Variants in GSG1L observed in about 807,000 individuals in gnomAD.
GSG1L encodes the protein GSG1 like, also known as germ cell-specific gene 1-like protein.
In GSG1L, 24 loss-of-function variants were observed where a neutral mutation model predicts 42.1. The observed-to-expected ratio is 0.57, with a 90% confidence interval of 0.41 to 0.80. The LOEUF is 0.80. GSG1L is among the 30% of genes least tolerant of loss of function. GSG1L has a pLI of 0.00. For synonymous variants in GSG1L, 215 were observed against 203.5 expected (o/e 1.06, Z -0.48); for missense variants, 445 against 472.2 (o/e 0.94, Z 0.53).
chr16:27,857,236 G>C (rs991434447), intron 3 of GSG1L, among the ~76,000 whole-genome samples: 1 of 152,054 alleles, frequency 6.6e-6, no homozygotes, highest in African/African-American at 2.4e-5. Flanking sequence ...AGATCACCCT[G>C]GGCAACATGG....
rs1567542839 is a variant in GSG1L, at chr16:27,979,687, G to GAAGGAAGGAAGGA, written c.350-16497_350-16485dup. 2.1e-3 allele frequency among the ~76,000 whole-genome samples: 52 copies of GAAGGAAGGAAGGA among 24,680 alleles called. 4 individuals carry two copies. In the East Asian group the frequency reaches 0.023, roughly 11 times the overall value. 16.2% of individuals were successfully genotyped at this position (24,680 alleles called of 152,430 possible). On this transcript the variant is annotated intron_variant, in intron 1 of 6. Transcript: ENST00000447459. ...AGAGAGAGAGAGAGAGAGAAAGAAA[G>GAAGGAAGGAAGGA]AAGGAAGGAAGGAAGGAAGGAAGGA...
At chr16:27,820,507 C>T (rs1317831731) in intron 5 of GSG1L, among the ~76,000 whole-genome samples, 1 of 152,054 alleles carries the variant, frequency 6.6e-6, no homozygotes, top group Non-Finnish European at 1.5e-5. Context: ...AGGCCCTTCA[C>T]AAGGCTCCCC....
At chr16:27,865,036 C>A (rs552498308) in intron 3 of GSG1L, among the ~76,000 whole-genome samples, 1 of 152,160 alleles carries the variant, frequency 6.6e-6, no homozygotes, top group Non-Finnish European at 1.5e-5. Context: ...GCTGTGAGGT[C>A]CCCTTAGACT....
intron 1 of GSG1L, among the ~76,000 whole-genome samples, chr16:28,004,378 C>T (rs1336573251): frequency 6.6e-6 from 1 of 151,278 alleles, no homozygotes; most frequent in Non-Finnish European, 1.5e-5. Flanking sequence ...AGGTGAGGGA[C>T]TTCCTGTCTC....
intron 3 of GSG1L, among the ~76,000 whole-genome samples, chr16:27,855,667 C>T (rs577846236): frequency 6.3e-5 from 9 of 143,804 alleles, no homozygotes; most frequent in Middle Eastern, 3.8e-3. Context: ...TTGCAGTGAG[C>T]TAAGATTGTG....
At chr16:27,988,704 A>G (rs1441076292) in intron 1 of GSG1L, among the ~76,000 whole-genome samples, 2 of 151,810 alleles carry the variant, frequency 1.3e-5, no homozygotes, top group Non-Finnish European at 2.9e-5. Context: ...ATGTCATATT[A>G]ATAAGAGAGA....
chr16:28,007,515 G>GTTGGTTGGTTGGT (rs151170153), intron 1 of GSG1L, among the ~76,000 whole-genome samples: 1 of 38,084 alleles, frequency 2.6e-5, no homozygotes, highest in African/African-American at 1.7e-4. Context: ...TGGTTGGTTG[G>GTTGGTTGGTTGGT]TGGTTGGTTG....
rs1211920204 is a variant in GSG1L at position 27,865,556 on chromosome 16, TATATATATATATATATACACACACAC to T, written c.550+18904_550+18929del. 1.8e-3 allele frequency among the ~76,000 whole-genome samples: 41 copies of T among 23,262 alleles called. 1 individual carries two copies. Among genetic ancestry groups the T allele is most frequent in the African/African-American group, 9.5e-3 (31 of 3,256 alleles). 15.3% of individuals were successfully genotyped at this position (23,262 alleles called of 152,430 possible). ...ATATATATATATATATATATATATA[TATATATATATATATATACACACACAC>T]ATACATACATACACACACATATATA... On this transcript the variant is annotated intron_variant, in intron 3 of 6. Transcript: ENST00000447459.
At chr16:27,947,573 G>GAAAGAAAGAA (rs1567530856) in intron 2 of GSG1L, among the ~76,000 whole-genome samples, 3 of 91,938 alleles carry the variant, frequency 3.3e-5, no homozygotes, top group Non-Finnish European at 7.8e-5. Flanking sequence ...AAGAAAGAAA[G>GAAAGAAAGAA]AAAGAAAGAA....
At chr16:27,824,296 C>T (rs549549886) in intron 5 of GSG1L, among the ~76,000 whole-genome samples, 17 of 152,328 alleles carry the variant, frequency 1.1e-4, no homozygotes, top group Non-Finnish European at 2.4e-4. Flanking sequence ...GCGCCTCACC[C>T]CAAATTACAT....
intron 5 of GSG1L, among the ~76,000 whole-genome samples, chr16:27,813,578 A>G (rs1237903889): frequency 6.6e-6 from 1 of 152,242 alleles, no homozygotes; most frequent in Non-Finnish European, 1.5e-5. Context: ...AGGCTTGCCC[A>G]TCTTTCTATG....
At chr16:27,893,429 C>A (rs2084152613) in intron 2 of GSG1L, among the ~76,000 whole-genome samples, 1 of 152,134 alleles carries the variant, frequency 6.6e-6, no homozygotes, top group Non-Finnish European at 1.5e-5. Flanking sequence ...GTTCCTCATT[C>A]CTAAAATGGG....
In GSG1L at chr16:28,059,332, G is replaced by A. The variant is rs1390229315; in HGVS notation, c.349+3744C>T. Among the ~76,000 whole-genome samples the A allele has an allele frequency of 1.3e-5, 2 of 151,994 alleles. No homozygotes were observed. The highest frequency in any genetic ancestry group is 4.8e-5 in the African/African-American group (2 of 41,368). On this transcript the variant is annotated intron_variant, in intron 1 of 6. Coordinates refer to ENST00000447459, the MANE Select transcript of GSG1L (RefSeq NM_001109763.2). This position sits in a 1 kb window ranked among gnomAD's most constrained non-coding sequence, Gnocchi z 4.4. ...TGTGGGAGGGGCCACCGCGGTGTGGGGTGTGTTGGCTCCCCGCCTGGGTCC... is the reference window on the plus strand; with the variant it reads ...TGTGGGAGGGGCCACCGCGGTGTGGAGTGTGTTGGCTCCCCGCCTGGGTCC...
intron 2 of GSG1L, among the ~76,000 whole-genome samples, chr16:27,942,133 A>G (rs2084804928): frequency 6.6e-6 from 1 of 150,948 alleles, no homozygotes; most frequent in Non-Finnish European, 1.5e-5. Flanking sequence ...TAATAAAAAA[A>G]ATTAAAACTT....
At chr16:28,052,333 T>C (rs1202590677) in intron 1 of GSG1L, among the ~76,000 whole-genome samples, 2 of 152,106 alleles carry the variant, frequency 1.3e-5, no homozygotes, top group African/African-American at 4.8e-5. Context: ...CTCGCTATGT[T>C]GCCCAGGCTG....
chr16:27,854,121 C>G (rs1285592086), intron 3 of GSG1L, among the ~76,000 whole-genome samples: 1 of 151,448 alleles, frequency 6.6e-6, no homozygotes. Flanking sequence ...GTTTCTCTTC[C>G]CCTTCCACCT....
At chr16:27,816,490 C>T (rs1290000102) in intron 5 of GSG1L, among the ~76,000 whole-genome samples, 2 of 152,160 alleles carry the variant, frequency 1.3e-5, no homozygotes, top group Non-Finnish European at 2.9e-5. Flanking sequence ...GACAAAGGCA[C>T]CTGTTCAGAC....
intron 2 of GSG1L, among the ~76,000 whole-genome samples, chr16:27,921,201 C>T (rs1382107087): frequency 6.6e-6 from 1 of 152,142 alleles, no homozygotes; most frequent in Non-Finnish European, 1.5e-5. Context: ...TATTTTCCTA[C>T]CAGCTCATAC....
At chr16:27,909,213 T>C (rs993270255) in intron 2 of GSG1L, among the ~76,000 whole-genome samples, 2 of 152,144 alleles carry the variant, frequency 1.3e-5, no homozygotes. Context: ...CTCATTGTCA[T>C]GCCATTATTT....
Sources: allele counts gnomAD v4.1 joint callset (sites outside exome capture counted in the v4.1 genomes callset), GRCh38; gene constraint gnomAD v4.1.1; non-coding constraint Gnocchi (gnomAD v3.1); transcripts MANE v1.5; gene names NCBI Gene and HGNC (gene_info 2026-07-23, HGNC 2026-07-21).